Variants in KPNB1 observed in about 807,000 individuals in gnomAD.
KPNB1 encodes the protein importin subunit beta-1.
In KPNB1, 7 loss-of-function variants were observed where a neutral mutation model predicts 113.0. The ratio of observed to expected loss-of-function variants is 0.06; its 90% CI spans 0.04 to 0.12. The LOEUF is 0.12. Ranked by LOEUF, KPNB1 falls within the 10% of genes least tolerant of loss-of-function variation. KPNB1 has a pLI of 1.00. For synonymous variants in KPNB1, 363 were observed against 378.6 expected (o/e 0.96, Z 0.48); for missense variants, 400 against 1,054.8 (o/e 0.38, Z 8.60).
At chr17:47,661,080 A>T (rs367690029) in intron 5 of KPNB1, 39 bp from the exon 6 acceptor site, 4 of 1,516,816 alleles carry the variant, frequency 2.6e-6, no homozygotes, top group East Asian at 2.3e-5. Flanking sequence ...CGTACAGGTT[A>T]TGCTCTCCTA....
At chr17:47,658,386 G>A in intron 4 of KPNB1, 122 bp from the exon 5 acceptor site, 1 of 1,042,940 alleles carries the variant, frequency 9.6e-7, no homozygotes, top group Non-Finnish European at 1.4e-6. Context: ...CAGTACAGAT[G>A]CAACCATCCA....
chr17:47,681,473 C>T (rs2030775623), intron 21 of KPNB1, among the ~76,000 whole-genome samples: 1 of 151,630 alleles, frequency 6.6e-6, no homozygotes. Flanking sequence ...AGGATTTCAC[C>T]ATCTTGGCCA....
Position 47,673,003 on chromosome 17 carries a change from C to G in KPNB1, c.1548-15C>G. On this transcript the variant is annotated splice_polypyrimidine_tract_variant and intron_variant, in intron 12 of 21. Coordinates refer to ENST00000290158, the MANE Select transcript of KPNB1 (RefSeq NM_002265.6). ...TTCATTTGAGGCTTTAAGATTTTCG[C>G]TGTGTTCTTTACAGACCTGATGGAC... The G allele has an allele frequency of 6.2e-7, 1 of 1,600,654 alleles. No homozygotes were observed. The highest frequency in any genetic ancestry group is 8.5e-7 in the Non-Finnish European group (1 of 1,175,048).
intron 12 of KPNB1, 139 bp downstream of exon 12, chr17:47,670,971 A>AC: frequency 1.2e-6 from 1 of 813,018 alleles, no homozygotes; most frequent in Non-Finnish European, 1.8e-6. Flanking sequence ...ATTAAAAGAA[A>AC]CCCGCTGGGC....
chr17:47,679,412 G>A (rs2030706566), intron 19 of KPNB1, among the ~76,000 whole-genome samples: 1 of 152,062 alleles, frequency 6.6e-6, no homozygotes, highest in South Asian at 2.1e-4. Context: ...ACGTGTTCTT[G>A]TTGCTGATTG....
At chr17:47,666,688 G>A (rs367767547) in intron 9 of KPNB1, among the ~76,000 whole-genome samples, 2 of 150,336 alleles carry the variant, frequency 1.3e-5, no homozygotes, top group African/African-American at 4.9e-5. Flanking sequence ...GTGCGACCTC[G>A]GCTCACTGTA....
chr17:47,684,025 A>C lies in KPNB1; in HGVS notation c.*1621A>C, dbSNP rs753429886. ...ATCCTCTTTTGGTTTTGCAGTTGTT[A>C]GGAGTTTTTGCTGGCATTTTGAATA... is the stretch of plus-strand genomic sequence containing the variant. On this transcript the variant is annotated 3_prime_UTR_variant, in exon 22 of 22. Transcript: ENST00000290158. The C allele has an allele frequency of 6.6e-6, 1 of 152,198 alleles. No homozygotes were observed. Among genetic ancestry groups the C allele is most frequent in the Non-Finnish European group, 1.5e-5 (1 of 68,036 alleles). 9.4% of individuals were successfully genotyped at this position (152,198 alleles called of 1,614,324 possible).
At chr17:47,665,270 T>C in intron 9 of KPNB1, 112 bp downstream of exon 9, 1 of 801,730 alleles carries the variant, frequency 1.2e-6, no homozygotes, top group Middle Eastern at 3.1e-4. Context: ...TGATGTTCTG[T>C]TGTTGATGAC....
At position 47,675,899 on chromosome 17, in the gene KPNB1, A is replaced by G. The variant is rs576632958; in HGVS notation, c.1913-510A>G. On this transcript the variant is annotated intron_variant, in intron 15 of 21. Transcript: ENST00000290158. ...CCAACTGGTCTGTCAACATGTGACC[A>G]CTCCTCTGAAAGGGCAAAGAAGTTA... 9.2e-5 allele frequency among the ~76,000 whole-genome samples: 14 copies of G among 152,064 alleles called. No individual in the cohort carries two copies. In the South Asian group the frequency reaches 1.9e-3, roughly 20 times the overall value.
chr17:47,676,542 C>T (rs758272169), intron 16 of KPNB1, 51 bp downstream of exon 16: 1 of 1,360,634 alleles, frequency 7.3e-7, no homozygotes, highest in African/African-American at 1.4e-5. Context: ...CTGACAGTCA[C>T]TGTAGTGCAC....
rs375021546 is a variant in KPNB1, at chr17:47,654,711, A to G, written c.282+1835A>G. On this transcript the variant is annotated intron_variant, in intron 3 of 21. Coordinates refer to ENST00000290158, the MANE Select transcript of KPNB1 (RefSeq NM_002265.6). ...TAGTTTCTAAATCACCTCAAGTAAT[A>G]TGGAGTCTTCAGAAAGCAATCTAAA... Among the ~76,000 whole-genome samples, 10 of 152,334 alleles carry G rather than the reference A, an allele frequency of 6.6e-5. No individual in the cohort carries two copies. In the South Asian group the frequency reaches 8.3e-4, roughly 13 times the overall value.
At chr17:47,658,485 T>C (rs768182491) in intron 4 of KPNB1, 23 bp from the exon 5 acceptor site, 1 of 1,607,670 alleles carries the variant, frequency 6.2e-7, no homozygotes, top group Non-Finnish European at 8.5e-7. Flanking sequence ...TGTATATTCA[T>C]TGCACTTCTC....
intron 15 of KPNB1, among the ~76,000 whole-genome samples, chr17:47,675,112 C>T (rs891707230): frequency 6.6e-6 from 1 of 152,028 alleles, no homozygotes; most frequent in African/African-American, 2.4e-5. Context: ...AGCCACTGGG[C>T]CCAGCTTAAT....
At chr17:47,674,070 A>C (rs2030526833) in intron 14 of KPNB1, among the ~76,000 whole-genome samples, 1 of 152,222 alleles carries the variant, frequency 6.6e-6, no homozygotes, top group Non-Finnish European at 1.5e-5. Context: ...CACTTGGCTA[A>C]AAATAAAGCC....
chr17:47,650,304 G>T lies in KPNB1; in HGVS notation c.40+20G>T. The T allele has an allele frequency of 3.1e-6, 5 of 1,608,182 alleles. No homozygotes were observed. The highest frequency in any genetic ancestry group is 4.2e-6 in the Non-Finnish European group (5 of 1,176,974). On this transcript the variant is annotated intron_variant, in intron 1 of 21. Coordinates refer to ENST00000290158, the MANE Select transcript of KPNB1 (RefSeq NM_002265.6). The stretch of plus-strand genomic sequence containing the variant: ...CTCCCGGTAGGACGCAGGAGCCGGG[G>T]GTAGGGCTGAGGTGATTGGGGTGGG...
At chr17:47,669,921 A>G in intron 11 of KPNB1, 52 bp downstream of exon 11, 1 of 1,313,922 alleles carries the variant, frequency 7.6e-7, no homozygotes, top group Non-Finnish European at 1.1e-6. Context: ...GCCACTGGCA[A>G]GAAAGTAGAA....
intron 16 of KPNB1, 72 bp downstream of exon 16, chr17:47,676,563 G>C: frequency 8.7e-7 from 1 of 1,149,388 alleles, no homozygotes; most frequent in Non-Finnish European, 1.3e-6. Context: ...GCAAAACCAG[G>C]TTCTTATAGC....
At chr17:47,651,297 G>A (rs1361537388) in intron 2 of KPNB1, 32 of 985,326 alleles carry the variant, frequency 3.2e-5, no homozygotes, top group Non-Finnish European at 3.9e-5. Flanking sequence ...TGCCAGTTAA[G>A]TTTCTCTTTG....
At position 47,656,907 on chromosome 17, in the gene KPNB1, A is replaced by G. The variant is rs2029927358; in HGVS notation, c.330A>G (p.Ser110=). 6.2e-7 allele frequency: 1 copy of G among 1,614,058 alleles called. No individual in the cohort carries two copies. Among genetic ancestry groups the G allele is most frequent in the Non-Finnish European group, 8.5e-7 (1 of 1,180,046 alleles). ...GTETYRPSSA[S]QCVAGIACAE... is the part of the protein sequence containing the mutation. The stretch of plus-strand genomic sequence containing the variant: ...AAACTTACCGGCCTAGTTCTGCCTC[A>G]CAGTGTGTGGCTGGTATTGCTTGTG... The change falls in exon 4 of 22, where the codon TCA becomes TCG. Residue 110 remains serine (S), a synonymous_variant. Transcript: ENST00000290158.
Sources: allele counts gnomAD v4.1 joint callset (sites outside exome capture counted in the v4.1 genomes callset), GRCh38; gene constraint gnomAD v4.1.1; transcripts MANE v1.5; gene names NCBI Gene and HGNC (gene_info 2026-07-23, HGNC 2026-07-21).